OTOG: variants seen among roughly 807,000 people sequenced by gnomAD.
OTOG encodes the protein otogelin.
A neutral mutation model predicts 313.8 loss-of-function variants in OTOG; 296 were observed. The observed-to-expected ratio is 0.94, with a 90% CI of 0.86 to 1.04. The LOEUF is 1.04. Among genes scored for constraint, OTOG ranks in the 50% least tolerant of loss-of-function variants. The pLI, the probability that OTOG is intolerant of heterozygous loss-of-function variation, is 0.00. For synonymous variants in OTOG, 1,533 were observed against 1,554.9 expected, an observed-to-expected ratio of 0.99 and a Z score of 0.33; for missense variants, 3,948 against 3,840.1, an observed-to-expected ratio of 1.03 and a Z score of -0.74.
rs56402246 is a variant in OTOG, at chr11:17,548,418, C to CTTTTTTTTTTTT, written c.216+233_216+244dup. ...ATCTCTTGGGGGTCTATAGTCCACT[C>CTTTTTTTTTTTT]TTTTTTTTTTTTTTTTTTTTTTTTT... On this transcript the variant is annotated intron_variant, in intron 3 of 55. Coordinates refer to ENST00000399397, the MANE Select transcript of OTOG (RefSeq NM_001292063.2). 5.7e-5 allele frequency among the ~76,000 whole-genome samples: 5 copies of CTTTTTTTTTTTT among 87,628 alleles called. 1 individual carries two copies. Among genetic ancestry groups the CTTTTTTTTTTTT allele is most frequent in the East Asian group, 5.9e-4 (2 of 3,406 alleles). The allele number at this position is 87,628 out of a possible 152,430, so 57.5% of individuals were successfully genotyped here.
In OTOG at chr11:17,547,313, C is replaced by A; in HGVS notation, c.-60C>A. Reference sequence around the variant, plus strand: ...GTGGAGGTGTGACCCTGCCTTAGCCCGGGGAGGCACCTCGGGAGGCTGGCC... The same window carrying A: ...GTGGAGGTGTGACCCTGCCTTAGCCAGGGGAGGCACCTCGGGAGGCTGGCC... On this transcript the variant is annotated 5_prime_UTR_variant, in exon 1 of 56. Transcript: ENST00000399397. 1.6e-6 allele frequency: 2 copies of A among 1,281,990 alleles called. No individual in the cohort carries two copies. Among genetic ancestry groups the A allele is most frequent in the Non-Finnish European group, 9.9e-7 (1 of 1,011,014 alleles). 79.4% of individuals were successfully genotyped at this position (1,281,990 alleles called of 1,614,324 possible).
chr11:17,570,536 A>G, intron 17 of OTOG, 146 bp downstream of exon 17: 2 of 781,444 alleles, frequency 2.6e-6, no homozygotes, highest in Non-Finnish European at 4.0e-6. Flanking sequence ...CTACATTTAA[A>G]TTTAATTATG....
chr11:17,579,166 G>A (rs1051833019), intron 23 of OTOG, among the ~76,000 whole-genome samples: 2 of 152,164 alleles, frequency 1.3e-5, no homozygotes, highest in African/African-American at 4.8e-5. Context: ...AAGACAGCTG[G>A]CACCTTATCC....
intron 28 of OTOG, among the ~76,000 whole-genome samples, chr11:17,594,737 T>C (rs976321105): frequency 1.3e-5 from 2 of 152,190 alleles, no homozygotes; most frequent in African/African-American, 4.8e-5. Flanking sequence ...GAAACAGCAC[T>C]GAGTTGAGAG....
intron 31 of OTOG, 109 bp downstream of exon 31, chr11:17,599,806 C>T (rs1185330745): frequency 9.0e-6 from 12 of 1,332,958 alleles, no homozygotes; most frequent in Admixed American, 2.0e-5. Context: ...CTGGAAGAGC[C>T]GTGACCCGGA....
Position 17,612,259 on chromosome 11 carries a change from C to A in OTOG, c.6221C>A (p.Pro2074His), listed in dbSNP as rs778201336. ...CACTGTCCCCAGGGTGCTGCTCCCCCTCGCTGTGGGATCCTGGGCCTCGCC... is the reference window on the plus strand; with the variant it reads ...CACTGTCCCCAGGGTGCTGCTCCCCATCGCTGTGGGATCCTGGGCCTCGCC... ...SQHCPQGAAP[P>H]RCGILGLAVR... The change falls in exon 37 of 56, where the codon CCT becomes CAT. Residue 2074 changes from proline (P) to histidine (H), a missense_variant. Pro to His is a moderately conservative substitution (Grantham distance 77). Coordinates refer to ENST00000399397, the MANE Select transcript of OTOG (RefSeq NM_001292063.2). 9 of 1,546,688 alleles carry A rather than the reference C, an allele frequency of 5.8e-6. No homozygotes were observed. In the South Asian group the frequency reaches 1.1e-4, roughly 18 times the overall value.
intron 36 of OTOG, 102 bp downstream of exon 36, chr11:17,611,525 C>A: frequency 8.4e-7 from 1 of 1,188,150 alleles, no homozygotes. Context: ...CTCATACCTG[C>A]CCCATGCTCC....
intron 16 of OTOG, 135 bp from the exon 17 acceptor site, chr11:17,570,078 A>G: frequency 1.3e-6 from 1 of 758,162 alleles, no homozygotes; most frequent in Non-Finnish European, 2.1e-6. Context: ...CATGGCAGGC[A>G]CGCAGGCAGG....
rs1305613903 is a variant in OTOG, at chr11:17,572,070, A to G, written c.1956-10A>G. 8.4e-6 allele frequency: 13 copies of G among 1,550,230 alleles called. No homozygotes were observed. Among genetic ancestry groups the G allele is most frequent in the Non-Finnish European group, 1.1e-5 (13 of 1,146,858 alleles). Reference sequence around the variant, plus strand: ...GCAAGTGTGTGAATATGGCTGTGACATGGCTGCAGGTCTCCAGTGGGTGTA... The same window carrying G: ...GCAAGTGTGTGAATATGGCTGTGACGTGGCTGCAGGTCTCCAGTGGGTGTA... On this transcript the variant is annotated splice_polypyrimidine_tract_variant and intron_variant, in intron 17 of 55. Coordinates refer to ENST00000399397, the MANE Select transcript of OTOG (RefSeq NM_001292063.2).
chr11:17,552,188 C>T lies in OTOG; in HGVS notation c.292+113C>T, dbSNP rs182706503. 1.2e-3 allele frequency: 1,249 copies of T among 1,071,698 alleles called. 3 individuals carry two copies. In the Middle Eastern group the frequency reaches 0.014, roughly 12 times the overall value. The allele number at this position is 1,071,698 out of a possible 1,614,324, so 66.4% of individuals were successfully genotyped here. A position where few individuals can be genotyped will look rare whatever the true frequency, so the allele number is the denominator to read the frequency against. Reference sequence around the variant, plus strand: ...CCTCAGGCCTCCATGACCCCTTTTTCCTGCTTGGCATCTCCTTCCACCCAC... The same window carrying T: ...CCTCAGGCCTCCATGACCCCTTTTTTCTGCTTGGCATCTCCTTCCACCCAC... On this transcript the variant is annotated intron_variant, in intron 4 of 55. Coordinates refer to ENST00000399397, the MANE Select transcript of OTOG (RefSeq NM_001292063.2).
chr11:17,636,766 C>T (rs1416916294), intron 47 of OTOG, among the ~76,000 whole-genome samples: 2 of 142,254 alleles, frequency 1.4e-5, no homozygotes, highest in East Asian at 4.2e-4. Flanking sequence ...CAGCCTAGTC[C>T]TATGGATGGA....
chr11:17,611,107 C>T lies in OTOG; in HGVS notation c.5807C>T (p.Pro1936Leu), dbSNP rs1321905180. ...SAEGGPTELT[P>L]ATSHPLTPLV... ...GAGGGTGGGCCCACAGAGCTCACGCCTGCTACGAGCCACCCTCTCACGCCC... is the reference window on the plus strand; with the variant it reads ...GAGGGTGGGCCCACAGAGCTCACGCTTGCTACGAGCCACCCTCTCACGCCC... Residue 1936 changes from proline (P) to leucine (L), a missense_variant, in exon 36 of 56, where the codon CCT becomes CTT. Pro to Leu is a moderately conservative substitution (Grantham distance 98). Coordinates refer to ENST00000399397, the MANE Select transcript of OTOG (RefSeq NM_001292063.2). 7.1e-6 allele frequency: 11 copies of T among 1,550,434 alleles called. No homozygotes were observed. The highest frequency in any genetic ancestry group is 1.4e-5 in the African/African-American group (1 of 73,046).
chr11:17,560,748 A>C lies in OTOG; in HGVS notation c.1382A>C (p.Glu461Ala), dbSNP rs1387342390. 6 of 1,550,498 alleles carry C rather than the reference A, an allele frequency of 3.9e-6. No homozygotes were observed. The highest frequency in any genetic ancestry group is 1.4e-5 in the African/African-American group (1 of 73,006). ...GATGGGGGCTGCGTGGCACCAGCTG[A>C]GTGTCCCTGTGAGTTTCACGGGACT... is the stretch of plus-strand genomic sequence containing the variant. ...FEDGGCVAPA[E>A]CPCEFHGTLY... Residue 461 changes from glutamate (E) to alanine (A), a missense_variant, in exon 13 of 56, where the codon GAG (glutamate) becomes GCG (alanine). Physicochemically the swap from Glu to Ala is moderately radical, Grantham distance 107. Coordinates refer to ENST00000399397, the MANE Select transcript of OTOG (RefSeq NM_001292063.2).
chr11:17,623,409 G>GT (rs903661049), intron 39 of OTOG, among the ~76,000 whole-genome samples: 1 of 152,108 alleles, frequency 6.6e-6, no homozygotes, highest in Non-Finnish European at 1.5e-5. Context: ...TTGGTTTTCT[G>GT]TTTTTGCATT....
intron 42 of OTOG, 27 bp downstream of exon 42, chr11:17,632,253 C>A: frequency 6.5e-7 from 1 of 1,541,238 alleles, no homozygotes; most frequent in Non-Finnish European, 8.8e-7. Context: ...GGGGGACCCT[C>A]CATTGTGACT....
At chr11:17,554,198 C>T (rs1261219200) in intron 6 of OTOG, among the ~76,000 whole-genome samples, 1 of 152,174 alleles carries the variant, frequency 6.6e-6, no homozygotes, top group Non-Finnish European at 1.5e-5. Context: ...CCCTGGATCT[C>T]CTGACCTTCC....
Position 17,558,597 on chromosome 11 carries a change from C to T in OTOG, c.1056C>T (p.Tyr352=), listed in dbSNP as rs780285643. The change falls in exon 10 of 56, where the codon TAC becomes TAT. Residue 352 remains tyrosine, a synonymous_variant. Transcript: ENST00000399397. The part of the protein sequence containing the change: ...LRPPFDACHA[Y]VSPLPFTASC... ...CCCCCTTTGACGCCTGCCACGCCTA[C>T]GTCAGCCCTCTGCCCTTCACAGCCA... The T allele has an allele frequency of 9.4e-5, 145 of 1,550,342 alleles. No homozygotes were observed. Among genetic ancestry groups the T allele is most frequent in the Non-Finnish European group, 1.2e-4 (138 of 1,147,018 alleles).
Position 17,557,204 on chromosome 11 carries a change from T to C in OTOG, c.746T>C (p.Leu249Pro). 1 of 1,550,674 alleles carries C rather than the reference T, an allele frequency of 6.4e-7. No individual in the cohort carries two copies. The highest frequency in any genetic ancestry group is 2.4e-5 in the East Asian group (1 of 40,924). Reference protein sequence around the residue: ...VIVRHQSAFTLAWDGASAVYI... With the variant: ...VIVRHQSAFTPAWDGASAVYI... ...GTGCGGCATCAGTCAGCCTTCACACTGGCCTGGGATGGTGCCTCGGCTGTC... is the reference window on the plus strand; with the variant it reads ...GTGCGGCATCAGTCAGCCTTCACACCGGCCTGGGATGGTGCCTCGGCTGTC... Residue 249 changes from leucine (L) to proline (P), a missense_variant, in exon 8 of 56, where the codon CTG becomes CCG. Coordinates refer to ENST00000399397, the MANE Select transcript of OTOG (RefSeq NM_001292063.2).
intron 32 of OTOG, among the ~76,000 whole-genome samples, chr11:17,604,755 G>A (rs1217893886): frequency 6.6e-6 from 1 of 152,232 alleles, no homozygotes; most frequent in African/African-American, 2.4e-5. Flanking sequence ...GTAAATATTT[G>A]CTGCTGAATG....
Sources: gnomAD v4.1 joint callset for allele counts (sites outside exome capture counted in the v4.1 genomes callset) on GRCh38, gnomAD v4.1.1 for gene constraint, MANE v1.5 for transcripts, NCBI Gene and HGNC (gene_info 2026-07-23, HGNC 2026-07-21) for gene names.